FKBP9: variants seen among roughly 807,000 people sequenced by gnomAD.
FKBP9 encodes peptidyl-prolyl cis-trans isomerase FKBP9.
FKBP9 carries 27 observed loss-of-function variants against 55.6 expected under a neutral mutation model. The observed-to-expected ratio is 0.49, with a 90% CI of 0.36 to 0.67. FKBP9 has a LOEUF of 0.67. Among genes scored for constraint, FKBP9 ranks in the 30% least tolerant of loss-of-function variants. The pLI is 0.00. For missense variants in FKBP9, 539 were observed against 742.8 expected (o/e 0.73, Z 3.19); for synonymous variants, 267 against 296.5 (o/e 0.90, Z 1.02).
chr7:32,977,868 C>A (rs1562567315), intron 4 of FKBP9, among the ~76,000 whole-genome samples: 2 of 104,714 alleles, frequency 1.9e-5, no homozygotes, highest in Non-Finnish European at 4.2e-5. Flanking sequence ...TATATACATG[C>A]CCATATATAT....
chr7:32,959,655 A>C (rs961473746), intron 1 of FKBP9, among the ~76,000 whole-genome samples: 2 of 152,134 alleles, frequency 1.3e-5, no homozygotes, highest in Non-Finnish European at 2.9e-5. Context: ...CCACGAATCC[A>C]CTTTATGTCT....
chr7:32,959,643 A>C (rs1490666776), intron 1 of FKBP9, among the ~76,000 whole-genome samples: 1 of 152,210 alleles, frequency 6.6e-6, no homozygotes, highest in Non-Finnish European at 1.5e-5. Flanking sequence ...AGTCCCTTTC[A>C]GCCACGAATC....
At chr7:32,968,953 T>C (rs1327230976) in intron 1 of FKBP9, among the ~76,000 whole-genome samples, 7 of 152,200 alleles carry the variant, frequency 4.6e-5, no homozygotes, top group Non-Finnish European at 5.9e-5. Context: ...CCACCATGCC[T>C]GGCCTGCATT....
At position 32,975,293 on chromosome 7, in the gene FKBP9, C is replaced by G; in HGVS notation, c.479C>G (p.Pro160Arg). ...ACCTATTTCAAGCCCCCGAGTTGCC[C>G]TCGGACCATCCAGGTGTCTGATTTT... ...IHTYFKPPSC[P>R]RTIQVSDFVR... Residue 160 changes from proline to arginine, a missense_variant, in exon 3 of 10, where the codon CCT (proline) becomes CGT (arginine). Around this residue, in one of 4 missense-constraint regions of FKBP9, gnomAD observed 236 missense variants for 271.5 expected, o/e 0.87. Coordinates refer to ENST00000242209, the MANE Select transcript of FKBP9 (RefSeq NM_007270.5). The G allele has an allele frequency of 6.2e-7, 1 of 1,613,936 alleles. No individual in the cohort carries two copies. Among genetic ancestry groups the G allele is most frequent in the Non-Finnish European group, 8.5e-7 (1 of 1,179,822 alleles).
intron 1 of FKBP9, among the ~76,000 whole-genome samples, chr7:32,958,068 G>A (rs949846101): frequency 6.6e-6 from 1 of 152,196 alleles, no homozygotes; most frequent in African/African-American, 2.4e-5. Flanking sequence ...TCCTCCCAGC[G>A]CATGGACACA....
chr7:32,968,692 T>TC (rs2127978159), intron 1 of FKBP9, among the ~76,000 whole-genome samples: 1 of 151,932 alleles, frequency 6.6e-6, no homozygotes, highest in South Asian at 2.1e-4. Flanking sequence ...TCTGCCTCAG[T>TC]CCCCTGAGTA....
chr7:32,975,198 C>G lies in FKBP9; in HGVS notation c.384C>G (p.Pro128=), dbSNP rs2127980486. ...AATTTCTAGCTGGTGTGATCCCCCC[C>G]AATTCAGTGCTTCATTTTGATGTAC... is the stretch of plus-strand genomic sequence containing the variant. The part of the protein sequence containing the change: ...GNEGVSGVIP[P]NSVLHFDVLL... Residue 128 remains proline (P), a synonymous_variant, in exon 3 of 10, where the codon CCC becomes CCG. Coordinates refer to ENST00000242209, the MANE Select transcript of FKBP9 (RefSeq NM_007270.5). The G allele has an allele frequency of 3.1e-6, 5 of 1,613,492 alleles. No homozygotes were observed. The highest frequency in any genetic ancestry group is 4.2e-6 in the Non-Finnish European group (5 of 1,179,416).
intron 1 of FKBP9, among the ~76,000 whole-genome samples, chr7:32,967,466 G>A (rs140091117): frequency 0.029 from 4,354 of 152,112 alleles, 91 homozygotes; most frequent in Non-Finnish European, 0.047. Context: ...CATATAATTC[G>A]TGGAATCATG....
At chr7:32,965,834 T>TGTGTGTACAC (rs1169736796) in intron 1 of FKBP9, among the ~76,000 whole-genome samples, 2 of 53,606 alleles carry the variant, frequency 3.7e-5, no homozygotes, top group Non-Finnish European at 6.9e-5. Context: ...TATATATATA[T>TGTGTGTACAC]ATATATATAT....
intron 1 of FKBP9, chr7:32,963,611 AC>A: frequency 6.9e-7 from 1 of 1,453,792 alleles, no homozygotes. Flanking sequence ...TGGGGTGAAC[AC>A]AAGCCCGTCC....
intron 1 of FKBP9, 49 bp downstream of exon 1, chr7:32,957,843 C>T (rs770949018): frequency 1.5e-6 from 2 of 1,339,372 alleles, no homozygotes; most frequent in African/African-American, 3.1e-5. Flanking sequence ...GCGCGTCCCT[C>T]TCTCCGGACA....
chr7:32,965,834 T>TATATATATGTGTACAC (rs1554284343), intron 1 of FKBP9, among the ~76,000 whole-genome samples: 4 of 53,608 alleles, frequency 7.5e-5, no homozygotes, highest in Non-Finnish European at 1.4e-4. Context: ...TATATATATA[T>TATATATATGTGTACAC]ATATATATAT....
intron 7 of FKBP9, among the ~76,000 whole-genome samples, chr7:32,999,043 G>A (rs1334981542): frequency 6.6e-6 from 1 of 152,184 alleles, no homozygotes; most frequent in Non-Finnish European, 1.5e-5. Flanking sequence ...TTTGCAACTG[G>A]AGTAGCCCCA....
intron 9 of FKBP9, among the ~76,000 whole-genome samples, chr7:33,003,459 T>C (rs1318963072): frequency 3.3e-5 from 5 of 152,238 alleles, no homozygotes; most frequent in African/African-American, 9.6e-5. Flanking sequence ...GTTTCTTTCA[T>C]TGCTTTCCTT....
intron 7 of FKBP9, among the ~76,000 whole-genome samples, chr7:32,996,951 C>G (rs575998252): frequency 6.6e-6 from 1 of 150,562 alleles, no homozygotes; most frequent in Non-Finnish European, 1.5e-5. Flanking sequence ...CCCGCCACCG[C>G]GCCTGGCTAA....
In FKBP9 at chr7:32,957,550, C is replaced by A; in HGVS notation, c.-24C>A. On this transcript the variant is annotated 5_prime_UTR_variant, in exon 1 of 10. Transcript: ENST00000242209. ...TGCCGCCCGAGCGCCGCGCTGCGTC[C>A]GCGCCACTCTTCTCGCCGCCCCGAT... 7.1e-7 allele frequency: 1 copy of A among 1,406,404 alleles called. No individual in the cohort carries two copies. Among genetic ancestry groups the A allele is most frequent in the Non-Finnish European group, 9.2e-7 (1 of 1,087,686 alleles). The allele number at this position is 1,406,404 out of a possible 1,614,324, so 87.1% of individuals were successfully genotyped here. A position where few individuals can be genotyped will look rare whatever the true frequency, so the allele number is the denominator to read the frequency against.
At chr7:32,972,876 C>T (rs1409946894) in intron 1 of FKBP9, among the ~76,000 whole-genome samples, 1 of 152,148 alleles carries the variant, frequency 6.6e-6, no homozygotes, top group Non-Finnish European at 1.5e-5. Context: ...GTGCACACCA[C>T]CACGCCTGGC....
At chr7:32,984,397 TG>T (rs1784537491) in intron 5 of FKBP9, among the ~76,000 whole-genome samples, 1 of 152,132 alleles carries the variant, frequency 6.6e-6, no homozygotes, top group South Asian at 2.1e-4. Context: ...TCACCTGTAG[TG>T]ATGCAAAAAA....
intron 1 of FKBP9, among the ~76,000 whole-genome samples, chr7:32,959,853 G>A (rs573305082): frequency 1.1e-4 from 17 of 152,188 alleles, no homozygotes; most frequent in Admixed American, 5.2e-4. Flanking sequence ...ATGGACATTT[G>A]GATTGCTTAT....
Sources: allele counts gnomAD v4.1 joint callset (sites outside exome capture counted in the v4.1 genomes callset), GRCh38; gene constraint gnomAD v4.1.1; regional missense constraint gnomAD v4.1.1; transcripts MANE v1.5; gene names NCBI Gene and HGNC (gene_info 2026-07-23, HGNC 2026-07-21).